IQGAP1: variants seen among roughly 807,000 people sequenced by gnomAD.
IQGAP1 encodes the protein ras GTPase-activating-like protein IQGAP1.
A neutral mutation model predicts 215.6 loss-of-function variants in IQGAP1; 66 were observed. The observed-to-expected ratio is 0.31, with a 90% CI of 0.25 to 0.38. The LOEUF (loss-of-function observed/expected upper bound fraction) is 0.38, where lower values mean the gene tolerates loss of function less well. IQGAP1 is among the 10% of genes least tolerant of loss of function. The pLI is 1.00. For synonymous variants in IQGAP1, 772 were observed against 728.7 expected (o/e 1.06, Z -0.96); for missense variants, 1,712 against 1,997.1 (o/e 0.86, Z 2.72).
intron 15 of IQGAP1, among the ~76,000 whole-genome samples, chr15:90,462,837 G>A (rs922124125): frequency 2.6e-5 from 4 of 152,140 alleles, no homozygotes; most frequent in African/African-American, 9.7e-5. Context: ...AAGTGTCAGA[G>A]TTGTTAGGGA....
At position 90,456,281 on chromosome 15, in the gene IQGAP1, A is replaced by G; in HGVS notation, c.1742A>G (p.Asp581Gly). 1 of 1,614,102 alleles carries G rather than the reference A, an allele frequency of 6.2e-7. No homozygotes were observed. Among genetic ancestry groups the G allele is most frequent in the Non-Finnish European group, 8.5e-7 (1 of 1,179,968 alleles). The change falls in exon 15 of 38, where the codon GAC becomes GGC. Residue 581 changes from aspartate (D) to glycine (G), a missense_variant. Transcript: ENST00000268182. The part of the protein sequence containing the change: ...VLAEVAQHYQ[D>G]TLIRAKREKA... ...GCAGAAGTGGCCCAGCATTACCAAG[A>G]CACGCTGATTAGAGCGAAGAGAGAG...
intron 13 of IQGAP1, among the ~76,000 whole-genome samples, chr15:90,454,070 A>G (rs549397260): frequency 2.1e-4 from 32 of 152,306 alleles, no homozygotes; most frequent in Non-Finnish European, 4.1e-4. Context: ...AACCCAATTG[A>G]TAATCTTTCC....
intron 2 of IQGAP1, among the ~76,000 whole-genome samples, chr15:90,407,532 G>C (rs1457063544): frequency 1.3e-5 from 2 of 152,190 alleles, no homozygotes; most frequent in African/African-American, 4.8e-5. Context: ...TTTCCAAACG[G>C]TGTCTGAGCT....
intron 15 of IQGAP1, among the ~76,000 whole-genome samples, chr15:90,462,147 G>A (rs983617307): frequency 1.3e-5 from 2 of 152,050 alleles, no homozygotes; most frequent in African/African-American, 2.4e-5. Flanking sequence ...CAGTCTGGGC[G>A]ACAGAGCGAG....
intron 2 of IQGAP1, among the ~76,000 whole-genome samples, chr15:90,404,203 T>G (rs1964843848): frequency 6.6e-6 from 1 of 152,224 alleles, no homozygotes; most frequent in African/African-American, 2.4e-5. Context: ...TATGCATATT[T>G]AGTTCTCAAA....
At chr15:90,398,724 T>G (rs1964761027) in intron 2 of IQGAP1, among the ~76,000 whole-genome samples, 1 of 152,048 alleles carries the variant, frequency 6.6e-6, no homozygotes, top group Non-Finnish European at 1.5e-5. Context: ...GTATCTTGGC[T>G]GGGCGCGGTG....
intron 35 of IQGAP1, among the ~76,000 whole-genome samples, chr15:90,493,644 A>G (rs982402748): frequency 2.6e-5 from 4 of 152,202 alleles, no homozygotes; most frequent in Admixed American, 1.3e-4. Context: ...ATATTTTGCC[A>G]TATCTGCTTC....
chr15:90,467,679 C>T, intron 18 of IQGAP1, 87 bp downstream of exon 18: 1 of 1,364,520 alleles, frequency 7.3e-7, no homozygotes, highest in Non-Finnish European at 9.9e-7. Context: ...GGCATGTGGT[C>T]AGAAGCCCTA....
chr15:90,452,898 A>C lies in IQGAP1; in HGVS notation c.1286A>C (p.Tyr429Ser). 1.9e-6 allele frequency: 3 copies of C among 1,614,096 alleles called. No homozygotes were observed. Among genetic ancestry groups the C allele is most frequent in the Non-Finnish European group, 2.5e-6 (3 of 1,179,990 alleles). Residue 429 changes from tyrosine to serine, a missense_variant, in exon 12 of 38, where the codon TAT (tyrosine) becomes TCT (serine). Physicochemically the swap from Tyr to Ser is moderately radical, Grantham distance 144. This residue lies in a region of IQGAP1 where 1,021 missense variants were observed against 1,074.2 expected (regional missense o/e 0.95). Transcript: ENST00000268182. ...PQVYPFAADL[Y>S]QKELATLQRQ... ...GTGTATCCATTTGCCGCCGATCTCT[A>C]TCAGAAGGAGCTGGCTACCCTGCAG...
chr15:90,435,566 G>T (rs1001049094), intron 5 of IQGAP1, among the ~76,000 whole-genome samples: 12 of 152,220 alleles, frequency 7.9e-5, no homozygotes, highest in African/African-American at 2.7e-4. Context: ...TGTTGCATGA[G>T]ATTTGTCCAT....
rs114083422 is a variant in IQGAP1 at position 90,449,323 on chromosome 15, G to A, written c.1078-236G>A. ...CACTTTTTCCTTAGAACTTTTTGAG[G>A]CTTTTCATGTAATATGTTTAAGAAT... is the stretch of plus-strand genomic sequence containing the variant. On this transcript the variant is annotated intron_variant, in intron 10 of 37. Coordinates refer to ENST00000268182, the MANE Select transcript of IQGAP1 (RefSeq NM_003870.4). Among the ~76,000 whole-genome samples the A allele has an allele frequency of 5.2e-3, 788 of 152,206 alleles. 4 individuals are homozygous for A. Among genetic ancestry groups the A allele is most frequent in the African/African-American group, 0.018 (755 of 41,522 alleles).
intron 2 of IQGAP1, among the ~76,000 whole-genome samples, chr15:90,401,409 C>A (rs776451037): frequency 1.3e-5 from 2 of 152,124 alleles, no homozygotes; most frequent in Non-Finnish European, 2.9e-5. Context: ...AACCTCAGTA[C>A]TTTAAGGCAG....
intron 37 of IQGAP1, among the ~76,000 whole-genome samples, chr15:90,499,349 C>T (rs1019724444): frequency 6.6e-6 from 1 of 152,204 alleles, no homozygotes; most frequent in Non-Finnish European, 1.5e-5. Context: ...AGAATAATCG[C>T]ACCTCATAAA....
chr15:90,501,876 CT>C lies in IQGAP1; in HGVS notation c.*1769del, dbSNP rs904119048. 2.6e-5 allele frequency: 4 copies of C among 152,176 alleles called. No individual in the cohort carries two copies. The highest frequency in any genetic ancestry group is 9.7e-5 in the African/African-American group (4 of 41,414). 9.4% of individuals were successfully genotyped at this position (152,176 alleles called of 1,614,324 possible). On this transcript the variant is annotated 3_prime_UTR_variant, in exon 38 of 38. Coordinates refer to ENST00000268182, the MANE Select transcript of IQGAP1 (RefSeq NM_003870.4). ...AGGCAATAATGAGCAGAGTTTACAGCTCCTTTAATAAAATGTGTCAGTAATT... is the reference window on the plus strand; with the variant it reads ...AGGCAATAATGAGCAGAGTTTACAGCCCTTTAATAAAATGTGTCAGTAATT...
chr15:90,403,653 C>G (rs1407466605), intron 2 of IQGAP1, among the ~76,000 whole-genome samples: 2 of 152,184 alleles, frequency 1.3e-5, no homozygotes, highest in East Asian at 3.8e-4. Context: ...TGGTTGCACA[C>G]TGTACATTTT....
intron 1 of IQGAP1, 115 bp from the exon 2 acceptor site, chr15:90,390,659 T>C: frequency 1.5e-6 from 1 of 684,638 alleles, no homozygotes; most frequent in South Asian, 1.7e-5. Context: ...GGCTACACAC[T>C]CATTAGTTAT....
rs757527179 is a variant in IQGAP1, at chr15:90,476,648, G to T, written c.2785-15G>T. 4.5e-6 allele frequency: 7 copies of T among 1,556,670 alleles called. No individual in the cohort carries two copies. In the African/African-American group the frequency reaches 5.6e-5, roughly 12 times the overall value. ...TTGAAAGCTTTCTGATCTATTTATT[G>T]GTTTTTGTTTATAGGATGTGGTTTC... On this transcript the variant is annotated splice_polypyrimidine_tract_variant and intron_variant, in intron 23 of 37. Coordinates refer to ENST00000268182, the MANE Select transcript of IQGAP1 (RefSeq NM_003870.4).
At chr15:90,404,696 A>G (rs1297167429) in intron 2 of IQGAP1, among the ~76,000 whole-genome samples, 3 of 151,884 alleles carry the variant, frequency 2.0e-5, no homozygotes, top group Admixed American at 6.6e-5. Flanking sequence ...CTTGTGCCTC[A>G]TCCTCCCGAG....
chr15:90,472,985 A>G lies in IQGAP1; in HGVS notation c.2324A>G (p.Gln775Arg). Residue 775 changes from glutamine to arginine, a missense_variant, in exon 19 of 38, where the codon CAA becomes CGA. Coordinates refer to ENST00000268182, the MANE Select transcript of IQGAP1 (RefSeq NM_003870.4). ...TCCAGGATGAATTTCCTGAAGAAACAAATCCCTGCCATCACCTGCATTCAG... is the reference window on the plus strand; with the variant it reads ...TCCAGGATGAATTTCCTGAAGAAACGAATCCCTGCCATCACCTGCATTCAG... ...FRSRMNFLKK[Q>R]IPAITCIQSQ... 1.2e-6 allele frequency: 2 copies of G among 1,614,134 alleles called. No homozygotes were observed. Among genetic ancestry groups the G allele is most frequent in the Non-Finnish European group, 1.7e-6 (2 of 1,179,996 alleles).
Sources: allele counts gnomAD v4.1 joint callset (sites outside exome capture counted in the v4.1 genomes callset), GRCh38; gene constraint gnomAD v4.1.1; regional missense constraint gnomAD v4.1.1; transcripts MANE v1.5; gene names NCBI Gene and HGNC (gene_info 2026-07-23, HGNC 2026-07-21).